The following SGPP2 variants were observed in gnomAD, a reference collection of about 807,000 sequenced individuals.
The protein encoded by SGPP2 is sphingosine-1-phosphate phosphatase 2.
SGPP2 carries 30 observed loss-of-function variants against 33.9 expected under a neutral mutation model. The ratio of observed to expected loss-of-function variants is 0.89; its 90% CI spans 0.66 to 1.20. SGPP2 has a LOEUF of 1.20. Among genes scored for constraint, SGPP2 ranks in the 50% most tolerant of loss-of-function variants. SGPP2 has a pLI of 0.00. For missense variants in SGPP2, 458 were observed against 532.1 expected, an observed-to-expected ratio of 0.86 and a Z score of 1.37; for synonymous variants, 233 against 225.0, an observed-to-expected ratio of 1.04 and a Z score of -0.32.
intron 2 of SGPP2, among the ~76,000 whole-genome samples, chr2:222,501,222 C>T (rs1413721489): frequency 1.3e-5 from 2 of 152,186 alleles, no homozygotes; most frequent in Non-Finnish European, 2.9e-5. Flanking sequence ...GCTAACTGTT[C>T]ATGGGACAGG....
intron 4 of SGPP2, among the ~76,000 whole-genome samples, chr2:222,538,841 G>A (rs1698951932): frequency 6.6e-6 from 1 of 152,062 alleles, no homozygotes; most frequent in African/African-American, 2.4e-5. Context: ...CCAAGGGGAT[G>A]GTGCTAAACC....
chr2:222,438,296 G>A (rs551590371), intron 1 of SGPP2, among the ~76,000 whole-genome samples: 1 of 152,326 alleles, frequency 6.6e-6, no homozygotes, highest in South Asian at 2.1e-4. Context: ...CCCATCCTCT[G>A]GCACGCAAAT....
intron 1 of SGPP2, among the ~76,000 whole-genome samples, chr2:222,451,271 A>G (rs2106075812): frequency 6.6e-6 from 1 of 152,326 alleles, no homozygotes; most frequent in South Asian, 2.1e-4. Flanking sequence ...AAGGGAAAAA[A>G]GTGCTCTGTA....
Position 222,562,280 on chromosome 2 carries a change from C to T in SGPP2, c.*3382C>T, listed in dbSNP as rs1199065240. ...TCCATCTTGCAATCTTCATCTAAAA[C>T]AGCTCTCATTTCATGCCAGTTTTGC... On this transcript the variant is annotated 3_prime_UTR_variant, in exon 5 of 5. Transcript: ENST00000321276. Among the ~76,000 whole-genome samples the T allele has an allele frequency of 1.3e-5, 2 of 152,188 alleles. No homozygotes were observed. Among genetic ancestry groups the T allele is most frequent in the Non-Finnish European group, 2.9e-5 (2 of 68,020 alleles).
intron 2 of SGPP2, among the ~76,000 whole-genome samples, chr2:222,489,414 G>GA (rs756276728): frequency 0.03 from 4,046 of 134,310 alleles, 102 homozygotes; most frequent in African/African-American, 0.08. Context: ...AATGTATTAA[G>GA]AAAAAAAAAA....
chr2:222,522,408 T>G (rs1698699950), intron 3 of SGPP2, among the ~76,000 whole-genome samples: 1 of 152,206 alleles, frequency 6.6e-6, no homozygotes, highest in Non-Finnish European at 1.5e-5. Context: ...CAAATTAGCC[T>G]CTAAGGATGT....
At chr2:222,430,982 G>GA (rs147323688) in intron 1 of SGPP2, among the ~76,000 whole-genome samples, 13 of 147,998 alleles carry the variant, frequency 8.8e-5, no homozygotes, top group South Asian at 2.1e-4. Flanking sequence ...TCATGGAACA[G>GA]AAAAAAAAAA....
chr2:222,494,124 C>T (rs988714431), intron 2 of SGPP2, among the ~76,000 whole-genome samples: 1 of 152,178 alleles, frequency 6.6e-6, no homozygotes, highest in East Asian at 1.9e-4. Context: ...TTTCCTCAGC[C>T]CTTCCCTGTC....
At chr2:222,466,368 C>T (rs1177104006) in intron 1 of SGPP2, among the ~76,000 whole-genome samples, 1 of 148,696 alleles carries the variant, frequency 6.7e-6, no homozygotes, top group African/African-American at 2.5e-5. Context: ...AAGCGATTCT[C>T]TTGCCTCAGC....
chr2:222,502,339 C>T (rs1298698413), intron 2 of SGPP2, among the ~76,000 whole-genome samples: 1 of 152,148 alleles, frequency 6.6e-6, no homozygotes, highest in Non-Finnish European at 1.5e-5. Flanking sequence ...AAGGTAAAGA[C>T]TATTGCTGTC....
chr2:222,558,948 G>C lies in SGPP2; in HGVS notation c.*50G>C. On this transcript the variant is annotated 3_prime_UTR_variant, in exon 5 of 5. Coordinates refer to ENST00000321276, the MANE Select transcript of SGPP2 (RefSeq NM_152386.4). ...CACTGGACATGAAAGCCAAGACATA[G>C]GAAAGTTATTGGTAGGCAAATCTTG... 1 of 1,553,468 alleles carries C rather than the reference G, an allele frequency of 6.4e-7. No individual in the cohort carries two copies. Among genetic ancestry groups the C allele is most frequent in the Non-Finnish European group, 8.7e-7 (1 of 1,143,498 alleles).
chr2:222,545,360 C>T (rs1206300752), intron 4 of SGPP2, among the ~76,000 whole-genome samples: 2 of 151,242 alleles, frequency 1.3e-5, no homozygotes, highest in Admixed American at 1.3e-4. Context: ...TGGCTCACTG[C>T]AACCTCCTTC....
intron 4 of SGPP2, among the ~76,000 whole-genome samples, chr2:222,558,141 A>G (rs1234718230): frequency 6.6e-6 from 1 of 152,238 alleles, no homozygotes; most frequent in African/African-American, 2.4e-5. Context: ...GATACGTAAC[A>G]TGAGTAGTAT....
At chr2:222,526,939 T>C (rs182268395) in intron 4 of SGPP2, among the ~76,000 whole-genome samples, 8 of 152,260 alleles carry the variant, frequency 5.3e-5, no homozygotes, top group Admixed American at 4.6e-4. Context: ...CGTATACCTG[T>C]GTAACAAACC....
At chr2:222,443,329 A>G (rs1697353896) in intron 1 of SGPP2, among the ~76,000 whole-genome samples, 1 of 152,172 alleles carries the variant, frequency 6.6e-6, no homozygotes, top group Admixed American at 6.6e-5. Context: ...CGCCCAAGGT[A>G]GTGACCATAG....
intron 4 of SGPP2, among the ~76,000 whole-genome samples, chr2:222,552,619 G>C (rs1335659746): frequency 6.6e-6 from 1 of 152,106 alleles, no homozygotes; most frequent in African/African-American, 2.4e-5. Context: ...CCAGCACTTT[G>C]GGAGGCCGAG....
At chr2:222,514,189 T>C (rs191415359) in intron 2 of SGPP2, among the ~76,000 whole-genome samples, 2 of 152,354 alleles carry the variant, frequency 1.3e-5, no homozygotes, top group Admixed American at 1.3e-4. Context: ...CATAGGATAG[T>C]AGGAGCCTTG....
chr2:222,529,336 T>A (rs1225912535), intron 4 of SGPP2, among the ~76,000 whole-genome samples: 1 of 152,152 alleles, frequency 6.6e-6, no homozygotes, highest in East Asian at 1.9e-4. Flanking sequence ...CTATTTTATT[T>A]ATTTTTTTAA....
At chr2:222,540,922 A>T (rs1310795836) in intron 4 of SGPP2, among the ~76,000 whole-genome samples, 1 of 144,256 alleles carries the variant, frequency 6.9e-6, no homozygotes, top group Non-Finnish European at 1.5e-5. Context: ...GGTTCCAGTG[A>T]TTCTCCTGCC....
Sources: gnomAD v4.1 joint callset for allele counts (sites outside exome capture counted in the v4.1 genomes callset) on GRCh38, gnomAD v4.1.1 for gene constraint, MANE v1.5 for transcripts, NCBI Gene and HGNC (gene_info 2026-07-23, HGNC 2026-07-21) for gene names.